The following ALK variants were observed in gnomAD, a reference collection of about 807,000 sequenced individuals.
The protein encoded by ALK is ALK receptor tyrosine kinase.
In ALK, 74 loss-of-function variants were observed where a neutral mutation model predicts 163.1. The ratio of observed to expected loss-of-function variants is 0.45; its 90% CI spans 0.38 to 0.55. ALK has a LOEUF of 0.55. Ranked by LOEUF, ALK falls within the 20% of genes least tolerant of loss-of-function variation. The pLI is 0.00. For missense variants in ALK, 2,063 were observed against 2,105.3 expected, an observed-to-expected ratio of 0.98 and a Z score of 0.39; for synonymous variants, 960 against 843.2, an observed-to-expected ratio of 1.14 and a Z score of -2.40.
chr2:29,463,834 C>T (rs1466702771), intron 4 of ALK, among the ~76,000 whole-genome samples: 1 of 152,108 alleles, frequency 6.6e-6, no homozygotes, highest in Non-Finnish European at 1.5e-5. Context: ...AAAGCAGTAC[C>T]AGAAATCATC....
intron 3 of ALK, among the ~76,000 whole-genome samples, chr2:29,663,557 T>C (rs1382280058): frequency 6.6e-6 from 1 of 152,166 alleles, no homozygotes; most frequent in Non-Finnish European, 1.5e-5. Context: ...TTTAATCTCA[T>C]GGGGATAATT....
At position 29,920,260 on chromosome 2, in the gene ALK, T is replaced by G. The variant is rs775475622; in HGVS notation, c.400A>C (p.Lys134Gln). ...SRVLKGGSVR[K>Q]LRRAKQLVLE... The stretch of plus-strand genomic sequence containing the variant: ...ACCAACTGCTTGGCACGCCGGAGCT[T>G]GCGCACGGAGCCGCCCTTCAGCACC... The change falls in exon 1 of 29, where the codon AAG becomes CAG. Residue 134 changes from lysine to glutamine, a missense_variant. By Grantham distance (53) the Lys-to-Gln change is moderately conservative. Coordinates refer to ENST00000389048, the MANE Select transcript of ALK (RefSeq NM_004304.5). 1 of 1,603,276 alleles carries G rather than the reference T, an allele frequency of 6.2e-7. No individual in the cohort carries two copies. Among genetic ancestry groups the G allele is most frequent in the Non-Finnish European group, 8.5e-7 (1 of 1,175,652 alleles).
chr2:29,450,966 G>A (rs1307230343), intron 4 of ALK, among the ~76,000 whole-genome samples: 1 of 152,112 alleles, frequency 6.6e-6, no homozygotes, highest in Non-Finnish European at 1.5e-5. Context: ...AGCTGCTCGA[G>A]GTGACTTTTA....
intron 3 of ALK, among the ~76,000 whole-genome samples, chr2:29,645,541 T>G (rs554276322): frequency 3.3e-4 from 50 of 152,222 alleles, no homozygotes; most frequent in African/African-American, 1.2e-3. Context: ...TTAGAGCTAG[T>G]AGGAGCTTTT....
intron 14 of ALK, 89 bp downstream of exon 14, chr2:29,233,476 C>T: frequency 6.3e-7 from 1 of 1,578,790 alleles, no homozygotes. Context: ...ATAAGAGCAT[C>T]TGAGGTGTTT....
chr2:29,702,584 T>C (rs1678775791), intron 2 of ALK, among the ~76,000 whole-genome samples: 1 of 152,204 alleles, frequency 6.6e-6, no homozygotes, highest in African/African-American at 2.4e-5. Flanking sequence ...CTAGGTTTCT[T>C]GATTGTATTA....
At chr2:29,888,417 A>G (rs72856273) in intron 1 of ALK, among the ~76,000 whole-genome samples, 1,802 of 152,294 alleles carry the variant, frequency 0.012, 29 homozygotes, top group African/African-American at 0.041. Context: ...ATTAATTATC[A>G]GCTGTTATAA....
intron 4 of ALK, among the ~76,000 whole-genome samples, chr2:29,441,629 C>T (rs1184054267): frequency 2.0e-5 from 3 of 152,190 alleles, no homozygotes; most frequent in Admixed American, 2.0e-4. Context: ...ATGATTGTAG[C>T]TGTGTATACC....
intron 9 of ALK, among the ~76,000 whole-genome samples, chr2:29,280,211 A>G (rs1244179536): frequency 7.0e-6 from 1 of 142,362 alleles, no homozygotes; most frequent in East Asian, 2.2e-4. Context: ...AGGGGAGGTT[A>G]TGGTATATAC....
intron 4 of ALK, among the ~76,000 whole-genome samples, chr2:29,427,310 A>G (rs1459279118): frequency 6.6e-6 from 1 of 152,054 alleles, no homozygotes; most frequent in African/African-American, 2.4e-5. Context: ...GCAAGCTTAA[A>G]GGACATAAAA....
chr2:29,748,692 C>A (rs1294521370), intron 1 of ALK, among the ~76,000 whole-genome samples: 2 of 151,986 alleles, frequency 1.3e-5, no homozygotes, highest in Non-Finnish European at 2.9e-5. Flanking sequence ...AATAGGTATC[C>A]CTCAGTGATT....
intron 22 of ALK, 83 bp from the exon 23 acceptor site, chr2:29,220,918 T>G (rs1669785269): frequency 1.3e-6 from 2 of 1,585,694 alleles, no homozygotes; most frequent in African/African-American, 2.7e-5. Context: ...GGATACAAAG[T>G]TACATTTTCA....
intron 4 of ALK, among the ~76,000 whole-genome samples, chr2:29,469,148 G>C (rs1473892388): frequency 6.6e-6 from 1 of 152,192 alleles, no homozygotes; most frequent in African/African-American, 2.4e-5. Flanking sequence ...CTTTCCTAAA[G>C]GAAGCTGCTC....
intron 3 of ALK, among the ~76,000 whole-genome samples, chr2:29,658,031 T>C (rs994640596): frequency 1.3e-5 from 2 of 152,138 alleles, no homozygotes; most frequent in African/African-American, 2.4e-5. Context: ...ATGTGTCCTG[T>C]TCCGGGAGGA....
In ALK at chr2:29,288,264, A is replaced by G. The variant is rs370583083; in HGVS notation, c.1817+8624T>C. Among the ~76,000 whole-genome samples the G allele has an allele frequency of 7.2e-5, 11 of 152,294 alleles. 1 individual carries two copies. Among genetic ancestry groups the G allele is most frequent in the African/African-American group, 2.4e-4 (10 of 41,566 alleles). On this transcript the variant is annotated intron_variant, in intron 9 of 28. Coordinates refer to ENST00000389048, the MANE Select transcript of ALK (RefSeq NM_004304.5). ...TCTCCTGTGCTAATGTGCTATTTGC[A>G]TAGGCTTTAGGCTCATTGACCGGGT...
At chr2:29,695,158 G>C in intron 2 of ALK, 144 bp from the exon 3 acceptor site, 3 of 855,126 alleles carry the variant, frequency 3.5e-6, no homozygotes, top group Non-Finnish European at 3.8e-6. Flanking sequence ...AATACCACAG[G>C]GCTCTGTATT....
intron 6 of ALK, among the ~76,000 whole-genome samples, chr2:29,323,720 C>T (rs1667147444): frequency 6.6e-6 from 1 of 152,200 alleles, no homozygotes; most frequent in Non-Finnish European, 1.5e-5. Context: ...GTGGATTAGG[C>T]TGCAACTGGG....
intron 3 of ALK, among the ~76,000 whole-genome samples, chr2:29,635,986 C>T (rs1050395111): frequency 3.3e-4 from 50 of 151,904 alleles, no homozygotes; most frequent in African/African-American, 1.1e-3. Context: ...AGCGGCCACA[C>T]GAAACTAATA....
chr2:29,339,326 A>T (rs1667722304), intron 5 of ALK, among the ~76,000 whole-genome samples: 1 of 152,060 alleles, frequency 6.6e-6, no homozygotes, highest in Non-Finnish European at 1.5e-5. Flanking sequence ...CAGCCATGAA[A>T]AAGGCTGTGG....
Sources: gnomAD v4.1 joint callset for allele counts (sites outside exome capture counted in the v4.1 genomes callset) on GRCh38, gnomAD v4.1.1 for gene constraint, MANE v1.5 for transcripts, NCBI Gene and HGNC (gene_info 2026-07-23, HGNC 2026-07-21) for gene names.